Variants in MECR observed in about 807,000 individuals in gnomAD.
MECR encodes enoyl-[acyl-carrier-protein] reductase, mitochondrial.
MECR carries 37 observed loss-of-function variants against 49.1 expected under a neutral mutation model. The ratio of observed to expected loss-of-function variants is 0.75; its 90% confidence interval spans 0.58 to 0.99. MECR has a LOEUF of 0.99. Among genes scored for constraint, MECR ranks in the 50% least tolerant of loss-of-function variants. MECR has a pLI of 0.00. For synonymous variants in MECR, 198 were observed against 191.1 expected (o/e 1.04, Z -0.30); for missense variants, 470 against 479.6 (o/e 0.98, Z 0.19).
intron 3 of MECR, among the ~76,000 whole-genome samples, 188 bp from the exon 4 acceptor site, chr1:29,207,093 T>G (rs957698541): frequency 6.6e-6 from 1 of 152,132 alleles, no homozygotes; most frequent in African/African-American, 2.4e-5. Context: ...TGAGTCCTCA[T>G]GATAATTATG....
intron 4 of MECR, among the ~76,000 whole-genome samples, chr1:29,205,241 G>A (rs975632847): frequency 1.8e-4 from 27 of 152,076 alleles, no homozygotes; most frequent in Non-Finnish European, 1.5e-5. Flanking sequence ...CTGGAGTGCG[G>A]TGGTGCAATC....
rs1320712064 is a variant in MECR at position 29,223,130 on chromosome 1, TC to T, written c.177-6446del. Reference sequence around the variant, plus strand: ...CAGCCTGGCTAGATCTCAAATTGCTTCCCCCATACCGTTCACGTCCTCCGTG... The same window carrying T: ...CAGCCTGGCTAGATCTCAAATTGCTTCCCCATACCGTTCACGTCCTCCGTG... On this transcript the variant is annotated intron_variant, in intron 1 of 9. Transcript: ENST00000263702. The T allele has an allele frequency of 5.1e-6, 5 of 985,330 alleles. No homozygotes were observed. The African/African-American group carries it at 8.7e-5, about 17-fold the overall frequency. The allele number at this position is 985,330 out of a possible 1,614,324, so 61.0% of individuals were successfully genotyped here. A position where few individuals can be genotyped will look rare whatever the true frequency, so the allele number is the denominator to read the frequency against.
chr1:29,215,981 C>A (rs368471016), intron 3 of MECR, 24 bp downstream of exon 3: 136 of 1,612,568 alleles, frequency 8.4e-5, no homozygotes, highest in Middle Eastern at 5.0e-4. Context: ...AACGAATAGG[C>A]AGCTGACACC....
At chr1:29,204,159 C>T (rs1296534536) in intron 4 of MECR, among the ~76,000 whole-genome samples, 1 of 151,946 alleles carries the variant, frequency 6.6e-6, no homozygotes, top group African/African-American at 2.4e-5. Context: ...GTGGAGGTTG[C>T]AGTGAGCTGA....
chr1:29,190,904 A>G (rs12748332), downstream of MECR, among the ~76,000 whole-genome samples: 1 of 152,138 alleles, frequency 6.6e-6, no homozygotes, highest in Non-Finnish European at 1.5e-5. Flanking sequence ...ATGCAGAGAA[A>G]CAGTGTTTAT....
chr1:29,216,261 C>A, intron 2 of MECR, 125 bp from the exon 3 acceptor site: 1 of 1,125,184 alleles, frequency 8.9e-7, no homozygotes. Flanking sequence ...TAACCAACCT[C>A]TGAGCCTTAG....
chr1:29,208,826 A>C (rs1442641935), intron 3 of MECR, among the ~76,000 whole-genome samples: 1 of 152,228 alleles, frequency 6.6e-6, no homozygotes, highest in African/African-American at 2.4e-5. Flanking sequence ...TATGATAATG[A>C]TAAATTATAA....
At position 29,230,924 on chromosome 1, in the gene MECR, C is replaced by T; in HGVS notation, c.-18G>A. ...ACCCACATGCTCGCTCCAACCAACA[C>T]AGAGCCTGACGCCCCGGCTACGTCA... On this transcript the variant is annotated 5_prime_UTR_variant, in exon 1 of 10. It adds an upstream start codon to the 5' untranslated region. Coordinates refer to ENST00000263702, the MANE Select transcript of MECR (RefSeq NM_016011.5). 2 of 1,568,968 alleles carry T rather than the reference C, an allele frequency of 1.3e-6. No individual in the cohort carries two copies. Among genetic ancestry groups the T allele is most frequent in the South Asian group, 2.3e-5 (2 of 86,446 alleles).
Position 29,193,798 on chromosome 1 carries a change from C to T in MECR, c.*224G>A, listed in dbSNP as rs1430002388. ...ACCAGTGCACAGTGTTGGTCCTTCTCGACAGGGATGACTTCTACTTTTTGG... is the reference window on the plus strand; with the variant it reads ...ACCAGTGCACAGTGTTGGTCCTTCTTGACAGGGATGACTTCTACTTTTTGG... On this transcript the variant is annotated 3_prime_UTR_variant, in exon 10 of 10. Transcript: ENST00000263702. The T allele has an allele frequency of 2.5e-5, 14 of 555,314 alleles. No individual in the cohort carries two copies. Among genetic ancestry groups the T allele is most frequent in the East Asian group, 1.9e-4 (6 of 31,604 alleles). The allele number at this position is 555,314 out of a possible 1,614,324, so 34.4% of individuals were successfully genotyped here.
intron 1 of MECR, among the ~76,000 whole-genome samples, chr1:29,225,166 GC>G (rs918512168): frequency 6.6e-6 from 1 of 152,198 alleles, no homozygotes; most frequent in Non-Finnish European, 1.5e-5. Context: ...TTAAGCTTGA[GC>G]CCTGTGATCT....
intron 3 of MECR, 117 bp from the exon 4 acceptor site, chr1:29,207,022 T>C: frequency 1.9e-6 from 2 of 1,063,510 alleles, no homozygotes; most frequent in Non-Finnish European, 2.7e-6. Flanking sequence ...ACTGGAAGCA[T>C]CCAGGATAGC....
At chr1:29,220,813 G>T in intron 1 of MECR, 2 of 662,900 alleles carry the variant, frequency 3.0e-6, no homozygotes, top group Non-Finnish European at 3.7e-6. Flanking sequence ...GTTAATGTAT[G>T]TAAAGCATTT....
chr1:29,204,626 A>T (rs908033853), intron 4 of MECR, among the ~76,000 whole-genome samples: 1 of 152,236 alleles, frequency 6.6e-6, no homozygotes, highest in Non-Finnish European at 1.5e-5. Flanking sequence ...TCCTAAGTTT[A>T]TTCAACAGTG....
the MECR span, among the ~76,000 whole-genome samples, chr1:29,178,213 T>C: frequency 6.6e-6 from 1 of 152,098 alleles, no homozygotes; most frequent in Non-Finnish European, 1.5e-5. Flanking sequence ...ACAAGCATTT[T>C]ATGCCTTAAT....
At chr1:29,189,090 C>CCA (rs1673075030), downstream of MECR, among the ~76,000 whole-genome samples, 1 of 152,102 alleles carries the variant, frequency 6.6e-6, no homozygotes, top group African/African-American at 2.4e-5. Context: ...CAGGCGTGCA[C>CCA]CACCACTCCC....
chr1:29,197,007 C>T (rs1674165940), intron 7 of MECR, among the ~76,000 whole-genome samples: 1 of 152,024 alleles, frequency 6.6e-6, no homozygotes, highest in African/African-American at 2.4e-5. Flanking sequence ...CATCTCAACA[C>T]AAAACAAAAC....
chr1:29,218,437 T>C (rs527950084), intron 1 of MECR, among the ~76,000 whole-genome samples: 3 of 152,340 alleles, frequency 2.0e-5, no homozygotes, highest in Admixed American at 6.5e-5. Context: ...CCAAGACACA[T>C]ATAACTGCCA....
chr1:29,200,592 G>A lies in MECR; in HGVS notation c.757-3C>T, dbSNP rs764093603. On this transcript the variant is annotated splice_polypyrimidine_tract_variant and splice_region_variant and intron_variant, in intron 6 of 9. Coordinates refer to ENST00000263702, the MANE Select transcript of MECR (RefSeq NM_016011.5). ...GCAAGCCGTGGCTGGGGCATGTCCT[G>A]GAAAACAACAAAAGTGCAGTGAGGG... 2 of 1,613,500 alleles carry A rather than the reference G, an allele frequency of 1.2e-6. No individual in the cohort carries two copies. The highest frequency in any genetic ancestry group is 1.1e-5 in the South Asian group (1 of 91,016).
At chr1:29,188,673 C>T (rs1014130930), downstream of MECR, among the ~76,000 whole-genome samples, 2 of 151,344 alleles carry the variant, frequency 1.3e-5, no homozygotes, top group Non-Finnish European at 2.9e-5. Context: ...CAGTTTCACT[C>T]TTGTTGCCCA....
Sources: gnomAD v4.1 joint callset for allele counts (sites outside exome capture counted in the v4.1 genomes callset) on GRCh38, gnomAD v4.1.1 for gene constraint, MANE v1.5 for transcripts, NCBI Gene and HGNC (gene_info 2026-07-23, HGNC 2026-07-21) for gene names.